SCIN: variants seen among roughly 807,000 people sequenced by gnomAD.
The protein encoded by SCIN is adseverin.
A neutral mutation model predicts 91.8 loss-of-function variants in SCIN; 91 were observed. The observed-to-expected ratio is 0.99, with a 90% CI of 0.84 to 1.18. The LOEUF (loss-of-function observed/expected upper bound fraction) is 1.18. Among genes scored for constraint, SCIN ranks in the 50% most tolerant of loss-of-function variants. SCIN has a pLI of 0.00. For synonymous variants in SCIN, 367 were observed against 312.6 expected, an observed-to-expected ratio of 1.17 and a Z score of -1.84; for missense variants, 1,087 against 863.9, an observed-to-expected ratio of 1.26 and a Z score of -3.24.
chr7:12,626,647 G>A lies in SCIN; in HGVS notation c.1045G>A (p.Asp349Asn). Residue 349 changes from aspartate (D) to asparagine (N), a missense_variant, in exon 8 of 16, where the codon GAT becomes AAT. Coordinates refer to ENST00000297029, the MANE Select transcript of SCIN (RefSeq NM_001112706.3). ...IFKQFFKDWR[D>N]KDQSDGFGKV... is the part of the protein sequence containing the mutation. ...CAAACAGTTTTTTAAGGACTGGAGA[G>A]ATAAAGATCAGAGTGATGGCTTCGG... The A allele has an allele frequency of 6.4e-7, 1 of 1,556,184 alleles. No individual in the cohort carries two copies. The highest frequency in any genetic ancestry group is 8.7e-7 in the Non-Finnish European group (1 of 1,149,310).
chr7:12,651,848 T>C lies in SCIN; in HGVS notation c.1967T>C (p.Ile656Thr), dbSNP rs764468718. 5.7e-6 allele frequency: 9 copies of C among 1,586,790 alleles called. No homozygotes were observed. The highest frequency in any genetic ancestry group is 2.3e-5 in the South Asian group (2 of 87,966). ...MLLDAWEQIF[I>T]WIGKDANEVE... ...TATTGTTTCATTTTTCAGATATTTA[T>C]TTGGATTGGCAAAGATGCTAATGAA... The change falls in exon 15 of 16, where the codon ATT (isoleucine) becomes ACT (threonine). Residue 656 changes from isoleucine (I) to threonine (T), a missense_variant. Physicochemically the swap from Ile to Thr is moderately conservative, Grantham distance 89. Transcript: ENST00000297029. This position sits in a 1 kb window ranked among gnomAD's most constrained non-coding sequence, Gnocchi z 5.9.
rs141148811 is a variant in SCIN at position 12,612,753 on chromosome 7, A to G, written c.666+8090A>G. ...TGGATACCCGTTTTGTTCCTCACCAATTCATCCAGTGGGGGAAGTTGAAAT... is the reference window on the plus strand; with the variant it reads ...TGGATACCCGTTTTGTTCCTCACCAGTTCATCCAGTGGGGGAAGTTGAAAT... On this transcript the variant is annotated intron_variant, in intron 4 of 15. Transcript: ENST00000297029. Among the ~76,000 whole-genome samples the G allele has an allele frequency of 2.9e-3, 435 of 152,292 alleles. 3 individuals carry two copies. The highest frequency in any genetic ancestry group is 7.9e-3 in the South Asian group (38 of 4,830).
Position 12,644,706 on chromosome 7 carries a change from G to C in SCIN, c.1881+1G>C, listed in dbSNP as rs368620218. 12 of 1,556,402 alleles carry C rather than the reference G, an allele frequency of 7.7e-6. No homozygotes were observed. The African/African-American group carries it at 9.6e-5, about 12-fold the overall frequency. ...CTCTAACAAAACTGGAAGATTTGTTGTAAGTGTCCTTAAAAATAGTGCGAT... is the reference window on the plus strand; with the variant it reads ...CTCTAACAAAACTGGAAGATTTGTTCTAAGTGTCCTTAAAAATAGTGCGAT... On this transcript the variant is annotated splice_donor_variant, in intron 13 of 15. Coordinates refer to ENST00000297029, the MANE Select transcript of SCIN (RefSeq NM_001112706.3). LOFTEE classifies it high-confidence loss of function.
intron 1 of SCIN, among the ~76,000 whole-genome samples, chr7:12,576,764 TC>T (rs1782380722): frequency 6.6e-6 from 1 of 152,134 alleles, no homozygotes; most frequent in East Asian, 1.9e-4. Flanking sequence ...TCTCTAAGCC[TC>T]CATTTTCTCT....
rs7779162 is a variant in SCIN at position 12,648,121 on chromosome 7, G to C, written c.1882-1346G>C. ...GCCCATTGGTATGTATTACCAATGG[G>C]TGGATGAAGCTAACCCTTCCATTAC... On this transcript the variant is annotated intron_variant, in intron 13 of 15. Transcript: ENST00000297029. 1.5e-3 allele frequency among the ~76,000 whole-genome samples: 224 copies of C among 152,126 alleles called. 2 individuals are homozygous for C. Among genetic ancestry groups the C allele is most frequent in the African/African-American group, 5.2e-3 (216 of 41,460 alleles).
chr7:12,571,969 C>G (rs944838141), intron 1 of SCIN, among the ~76,000 whole-genome samples: 2 of 152,178 alleles, frequency 1.3e-5, no homozygotes, highest in African/African-American at 4.8e-5. Flanking sequence ...AACTAGCTAG[C>G]CTGCCCAGTA....
rs1483561625 is a variant in SCIN at position 12,645,543 on chromosome 7, G to T, written c.1881+838G>T. Among the ~76,000 whole-genome samples the T allele has an allele frequency of 5.3e-5, 8 of 152,160 alleles. No individual in the cohort carries two copies. In the East Asian group the frequency reaches 1.5e-3, roughly 29 times the overall value. On this transcript the variant is annotated intron_variant, in intron 13 of 15. Coordinates refer to ENST00000297029, the MANE Select transcript of SCIN (RefSeq NM_001112706.3). ...GTACATGTGCAGGTTCGTTACATAG[G>T]TAAACTTGTGTTGTGGGAGTTTGTT...
chr7:12,578,040 A>G, intron 1 of SCIN, 24 bp from the exon 2 acceptor site: 4 of 1,507,768 alleles, frequency 2.7e-6, no homozygotes, highest in Non-Finnish European at 3.5e-6. Flanking sequence ...TTGATAATTG[A>G]GGTGCTGTTG....
At chr7:12,585,311 C>T (rs78471420) in intron 3 of SCIN, among the ~76,000 whole-genome samples, 1,714 of 152,234 alleles carry the variant, frequency 0.011, 31 homozygotes, top group African/African-American at 0.04. Flanking sequence ...CTCACTCCTC[C>T]CCTGGCTTCC....
chr7:12,635,293 T>C (rs1034590702), intron 9 of SCIN, among the ~76,000 whole-genome samples: 1 of 151,660 alleles, frequency 6.6e-6, no homozygotes, highest in Non-Finnish European at 1.5e-5. Context: ...GACGTTTGGT[T>C]CATGCTCACC....
chr7:12,644,972 G>A (rs550645558), intron 13 of SCIN, among the ~76,000 whole-genome samples: 10 of 134,032 alleles, frequency 7.5e-5, no homozygotes, highest in African/African-American at 2.3e-4. Flanking sequence ...CCAAGGTCGC[G>A]CCACTCCACT....
chr7:12,652,158 C>G (rs1253901315), intron 15 of SCIN, among the ~76,000 whole-genome samples: 1 of 152,180 alleles, frequency 6.6e-6, no homozygotes, highest in Non-Finnish European at 1.5e-5. Flanking sequence ...AAATTAATTT[C>G]AACCCTTGTT....
intron 8 of SCIN, among the ~76,000 whole-genome samples, chr7:12,628,617 C>G (rs370444819): frequency 3.7e-4 from 57 of 152,236 alleles, no homozygotes; most frequent in African/African-American, 1.3e-3. Context: ...TGGAGGGACT[C>G]AAACATTCAG....
At chr7:12,635,938 C>A in intron 9 of SCIN, 107 bp from the exon 10 acceptor site, 1 of 787,858 alleles carries the variant, frequency 1.3e-6, no homozygotes, top group Non-Finnish European at 2.1e-6. Context: ...TAAAACAGTT[C>A]GCTTCTTCTT....
chr7:12,631,713 ACTTCTCAC>A (rs1378392556), intron 9 of SCIN, among the ~76,000 whole-genome samples: 1 of 152,000 alleles, frequency 6.6e-6, no homozygotes, highest in Non-Finnish European at 1.5e-5. Flanking sequence ...TTGACTTTGG[ACTTCTCAC>A]CCTCCATAAC....
intron 10 of SCIN, among the ~76,000 whole-genome samples, chr7:12,639,611 CTAA>C (rs1783817501): frequency 6.6e-6 from 1 of 151,754 alleles, no homozygotes; most frequent in Non-Finnish European, 1.5e-5. Flanking sequence ...ATATTTGGGG[CTAA>C]TAAATAAAAT....
intron 4 of SCIN, among the ~76,000 whole-genome samples, chr7:12,613,251 T>C (rs970749209): frequency 2.0e-5 from 3 of 152,222 alleles, no homozygotes; most frequent in Non-Finnish European, 2.9e-5. Context: ...TAGGTCAAGT[T>C]CATCTTATCC....
At chr7:12,625,279 A>C in intron 6 of SCIN, 137 bp downstream of exon 6, 1 of 771,000 alleles carries the variant, frequency 1.3e-6, no homozygotes, top group Non-Finnish European at 1.9e-6. Context: ...TCTCACATAA[A>C]ATGCAGCCAT....
In SCIN at chr7:12,654,507, C is replaced by T. The variant is rs951962685; in HGVS notation, c.*1792C>T. ...TGATGTAAGTAGACATTTAACATTT[C>T]TAGGAATGTAATTGAGTGAAAAATA... On this transcript the variant is annotated 3_prime_UTR_variant, in exon 16 of 16. Coordinates refer to ENST00000297029, the MANE Select transcript of SCIN (RefSeq NM_001112706.3). 6.6e-6 allele frequency: 1 copy of T among 151,986 alleles called. No homozygotes were observed. 9.4% of individuals were successfully genotyped at this position (151,986 alleles called of 1,614,324 possible). A position where few individuals can be genotyped will look rare whatever the true frequency, so the allele number is the denominator to read the frequency against.
Sources: allele counts gnomAD v4.1 joint callset (sites outside exome capture counted in the v4.1 genomes callset), GRCh38; gene constraint gnomAD v4.1.1; non-coding constraint Gnocchi (gnomAD v3.1); transcripts MANE v1.5; gene names NCBI Gene and HGNC (gene_info 2026-07-23, HGNC 2026-07-21).